Variants in ARHGEF26 observed in about 807,000 individuals in gnomAD.
ARHGEF26 encodes Rho guanine nucleotide exchange factor (GEF) 26.
A neutral mutation model predicts 89.4 loss-of-function variants in ARHGEF26; 59 were observed. That is an observed-to-expected ratio of 0.66 (90% CI 0.54 to 0.82). The LOEUF is 0.82. ARHGEF26 is among the 40% of genes least tolerant of loss of function. ARHGEF26 has a pLI of 0.00. For missense variants in ARHGEF26, 1,234 were observed against 1,085.6 expected (o/e 1.14, Z -1.92); for synonymous variants, 500 against 428.4 (o/e 1.17, Z -2.06).
chr3:154,251,024 T>G (rs373974164), intron 12 of ARHGEF26, among the ~76,000 whole-genome samples: 60 of 152,128 alleles, frequency 3.9e-4, no homozygotes, highest in African/African-American at 1.4e-3. Flanking sequence ...TCTATATAAA[T>G]TGTGCATATT....
chr3:154,144,400 T>C (rs1471712250), intron 4 of ARHGEF26, among the ~76,000 whole-genome samples: 1 of 152,238 alleles, frequency 6.6e-6, no homozygotes, highest in African/African-American at 2.4e-5. Flanking sequence ...AGTACCTGGT[T>C]CATGGTAAAC....
At chr3:154,190,648 C>T (rs1379746030) in intron 7 of ARHGEF26, among the ~76,000 whole-genome samples, 4 of 152,160 alleles carry the variant, frequency 2.6e-5, no homozygotes, top group African/African-American at 9.7e-5. Flanking sequence ...TTAAAAGTTA[C>T]GTAGGTGGTT....
In ARHGEF26 at chr3:154,255,768, T is replaced by C. The variant is rs1020950592; in HGVS notation, c.*295T>C. 2 of 1,175,356 alleles carry C rather than the reference T, an allele frequency of 1.7e-6. No homozygotes were observed. Among genetic ancestry groups the C allele is most frequent in the African/African-American group, 3.2e-5 (2 of 63,482 alleles). 72.8% of individuals were successfully genotyped at this position (1,175,356 alleles called of 1,614,324 possible). ...ATCTCTGCTCCTCCTAGTTTCACCA[T>C]GTTCTGGCAATAAAAAACACATATT... is the stretch of plus-strand genomic sequence containing the variant. On this transcript the variant is annotated 3_prime_UTR_variant, in exon 15 of 15. Coordinates refer to ENST00000465093, the MANE Select transcript of ARHGEF26 (RefSeq NM_015595.4).
rs1718191898 is a variant in ARHGEF26, at chr3:154,124,390, T to TA, written c.1084-19dup. ...GCTTTTCCTTTTTTTTTTTTTTTTTTACTTTTTTTTGTCTCTTAGAAAAAA... is the reference window on the plus strand; with the variant it reads ...GCTTTTCCTTTTTTTTTTTTTTTTTTAACTTTTTTTTGTCTCTTAGAAAAAA... On this transcript the variant is annotated intron_variant, in intron 2 of 14. Transcript: ENST00000465093. 4 of 1,356,468 alleles carry TA rather than the reference T, an allele frequency of 2.9e-6. No individual in the cohort carries two copies. The highest frequency in any genetic ancestry group is 1.6e-5 in the African/African-American group (1 of 63,994). The allele number at this position is 1,356,468 out of a possible 1,614,324, so 84.0% of individuals were successfully genotyped here.
intron 4 of ARHGEF26, among the ~76,000 whole-genome samples, chr3:154,137,419 G>T (rs1309162380): frequency 2.0e-5 from 3 of 152,102 alleles, no homozygotes; most frequent in Non-Finnish European, 2.9e-5. Flanking sequence ...CTCTATAACT[G>T]TAGGAGATAA....
chr3:154,159,286 C>T (rs1477250735), intron 6 of ARHGEF26, among the ~76,000 whole-genome samples: 1 of 151,958 alleles, frequency 6.6e-6, no homozygotes, highest in Non-Finnish European at 1.5e-5. Context: ...GTACTTGTTT[C>T]TCTTTTTCCA....
At chr3:154,150,663 T>C (rs187897627) in intron 5 of ARHGEF26, among the ~76,000 whole-genome samples, 9 of 152,296 alleles carry the variant, frequency 5.9e-5, no homozygotes, top group Admixed American at 5.9e-4. Context: ...GGTGGGACTT[T>C]TTCCTTCATT....
At chr3:154,186,166 CCCCTAT>C (rs1713526322) in intron 6 of ARHGEF26, among the ~76,000 whole-genome samples, 3 of 144,698 alleles carry the variant, frequency 2.1e-5, no homozygotes, top group Non-Finnish European at 4.5e-5. Flanking sequence ...CACACACACA[CCCCTAT>C]ACACATACTA....
Position 154,240,451 on chromosome 3 carries a change from T to C in ARHGEF26, c.2172T>C (p.Ser724=). ...VESCDNEELN[S]SPGKNSSTML... is the part of the protein sequence containing the mutation. ...CTTGTGACAATGAAGAGCTTAATTC[T>C]TCTCCAGGGAAGAACAGCTCCACAA... The change falls in exon 12 of 15, where the codon TCT becomes TCC. Residue 724 remains serine (S), a synonymous_variant. Coordinates refer to ENST00000465093, the MANE Select transcript of ARHGEF26 (RefSeq NM_015595.4). 6.2e-7 allele frequency: 1 copy of C among 1,613,580 alleles called. No homozygotes were observed. Among genetic ancestry groups the C allele is most frequent in the South Asian group, 1.1e-5 (1 of 90,994 alleles).
rs1036095704 is a variant in ARHGEF26, at chr3:154,171,064, G to A, written c.1488-16621G>A. On this transcript the variant is annotated intron_variant, in intron 6 of 14. Transcript: ENST00000465093. ...TTGAGTATTCACATGTGGCATAATT[G>A]TGTGTTGTTTCCTTATTTTGTGTTT... Among the ~76,000 whole-genome samples the A allele has an allele frequency of 2.0e-5, 3 of 152,194 alleles. No homozygotes were observed. The South Asian group carries it at 6.2e-4, about 31-fold the overall frequency.
chr3:154,247,657 G>A (rs1270773729), intron 12 of ARHGEF26, among the ~76,000 whole-genome samples: 6 of 152,204 alleles, frequency 3.9e-5, no homozygotes, highest in African/African-American at 9.7e-5. Context: ...GTAACCAGGT[G>A]TGGAGAAAAA....
chr3:154,255,269 C>T, intron 14 of ARHGEF26, 62 bp from the exon 15 acceptor site: 1 of 1,541,570 alleles, frequency 6.5e-7, no homozygotes, highest in Non-Finnish European at 8.8e-7. Context: ...TTTTTCATAT[C>T]CTTGGAGCCT....
chr3:154,155,054 C>T (rs1448448015), intron 6 of ARHGEF26, among the ~76,000 whole-genome samples: 1 of 151,738 alleles, frequency 6.6e-6, no homozygotes, highest in Non-Finnish European at 1.5e-5. Context: ...ATGCTTGCTT[C>T]CCCAGAGTCT....
intron 4 of ARHGEF26, among the ~76,000 whole-genome samples, chr3:154,131,772 C>T (rs889732326): frequency 6.6e-6 from 1 of 152,170 alleles, no homozygotes; most frequent in African/African-American, 2.4e-5. Context: ...ACACCCTGAT[C>T]TCAGTTTAGC....
chr3:154,187,952 A>G (rs931048394), intron 7 of ARHGEF26, 115 bp downstream of exon 7: 15 of 1,039,914 alleles, frequency 1.4e-5, no homozygotes, highest in East Asian at 1.1e-4. Flanking sequence ...CTGATAGGCT[A>G]TTTCCCAGAG....
At position 154,254,700 on chromosome 3, in the gene ARHGEF26, A is replaced by G. The variant is rs778490427; in HGVS notation, c.2369-20A>G. 4.4e-6 allele frequency: 7 copies of G among 1,602,456 alleles called. No individual in the cohort carries two copies. In the African/African-American group the frequency reaches 5.4e-5, roughly 12 times the overall value. On this transcript the variant is annotated intron_variant, in intron 13 of 14. Transcript: ENST00000465093. Reference sequence around the variant, plus strand: ...TTTTCTCTGCTACTGGAAACTTAGTATGTCCTCTTTTGGCCTCAGCACTGA... The same window carrying G: ...TTTTCTCTGCTACTGGAAACTTAGTGTGTCCTCTTTTGGCCTCAGCACTGA...
At chr3:154,202,703 G>T (rs1714725204) in intron 9 of ARHGEF26, among the ~76,000 whole-genome samples, 1 of 151,026 alleles carries the variant, frequency 6.6e-6, no homozygotes. Context: ...AGTTCTCCTT[G>T]AAGAGGTCCT....
chr3:154,223,575 A>C (rs954367167), intron 10 of ARHGEF26, among the ~76,000 whole-genome samples: 2 of 152,182 alleles, frequency 1.3e-5, no homozygotes, highest in African/African-American at 4.8e-5. Context: ...ATGCTAGGTG[A>C]GAGAAACCAA....
chr3:154,203,110 A>T (rs970510797), intron 9 of ARHGEF26, among the ~76,000 whole-genome samples: 1 of 152,148 alleles, frequency 6.6e-6, no homozygotes, highest in African/African-American at 2.4e-5. Context: ...GTTTTTGCCC[A>T]TTCAGTATGA....
Sources: allele counts gnomAD v4.1 joint callset (sites outside exome capture counted in the v4.1 genomes callset), GRCh38; gene constraint gnomAD v4.1.1; transcripts MANE v1.5; gene names NCBI Gene and HGNC (gene_info 2026-07-23, HGNC 2026-07-21).